MYH15: variants seen among roughly 807,000 people sequenced by gnomAD.
MYH15 encodes myosin heavy chain 15, also known as myosin-15.
Under a neutral mutation model 240.5 loss-of-function variants are expected in MYH15, and 227 were observed. The ratio of observed to expected loss-of-function variants is 0.94; its 90% CI spans 0.85 to 1.05. The LOEUF (loss-of-function observed/expected upper bound fraction) is 1.05. MYH15 is among the 50% of genes least tolerant of loss of function. The pLI, the probability that MYH15 is intolerant of heterozygous loss-of-function variation, is 0.00. For missense variants in MYH15, 2,217 were observed against 2,247.5 expected, an observed-to-expected ratio of 0.99 and a Z score of 0.27; for synonymous variants, 785 against 796.7, an observed-to-expected ratio of 0.99 and a Z score of 0.25.
chr3:108,407,690 A>T (rs1250701288), intron 32 of MYH15, among the ~76,000 whole-genome samples: 1 of 152,204 alleles, frequency 6.6e-6, no homozygotes, highest in Non-Finnish European at 1.5e-5. Context: ...GAAACTACCG[A>T]AAGTTTTTGG....
At chr3:108,540,010 G>A in the MYH15 span, among the ~76,000 whole-genome samples, 5 of 152,186 alleles carry the variant, frequency 3.3e-5, no homozygotes, top group East Asian at 7.7e-4. Flanking sequence ...AAAATAAAAT[G>A]TATCTCACTT....
chr3:108,508,770 T>C (rs2083499029), intron 1 of MYH15, among the ~76,000 whole-genome samples: 1 of 152,208 alleles, frequency 6.6e-6, no homozygotes, highest in Admixed American at 6.5e-5. Context: ...ATCGCTTACA[T>C]GTTCTAATAT....
intron 21 of MYH15, among the ~76,000 whole-genome samples, chr3:108,448,004 T>C (rs144614942): frequency 1.8e-4 from 27 of 152,254 alleles, no homozygotes; most frequent in African/African-American, 5.3e-4. Context: ...AGTTTTTATA[T>C]GTAGTTGAAG....
At chr3:108,447,345 A>G (rs970132041) in intron 21 of MYH15, among the ~76,000 whole-genome samples, 20 of 152,228 alleles carry the variant, frequency 1.3e-4, no homozygotes, top group Middle Eastern at 3.4e-3. Context: ...TGGAGAGGAA[A>G]ACGAACAACT....
At chr3:108,382,772 A>AT (rs1560299662) in intron 40 of MYH15, among the ~76,000 whole-genome samples, 14 of 151,976 alleles carry the variant, frequency 9.2e-5, no homozygotes, top group South Asian at 2.1e-4. Context: ...TTTAAAAAAA[A>AT]AATAATAATA....
At chr3:108,395,571 T>C (rs1203844905) in intron 35 of MYH15, among the ~76,000 whole-genome samples, 1 of 152,058 alleles carries the variant, frequency 6.6e-6, no homozygotes, top group East Asian at 1.9e-4. Flanking sequence ...TAAAATTTGC[T>C]AGGGAGACAA....
chr3:108,540,920 A>C, the MYH15 span, among the ~76,000 whole-genome samples: 2 of 152,230 alleles, frequency 1.3e-5, no homozygotes, highest in East Asian at 3.9e-4. Context: ...TTGGGTACAA[A>C]ATATGTATAT....
At chr3:108,386,316 T>C (rs558057497) in intron 38 of MYH15, among the ~76,000 whole-genome samples, 7 of 152,160 alleles carry the variant, frequency 4.6e-5, no homozygotes, top group Non-Finnish European at 1.5e-5. Context: ...CCATCTCAGC[T>C]CTAGGGCATT....
intron 35 of MYH15, among the ~76,000 whole-genome samples, chr3:108,398,021 C>A (rs2082474996): frequency 6.6e-6 from 1 of 152,142 alleles, no homozygotes; most frequent in African/African-American, 2.4e-5. Flanking sequence ...AAGTCCTAAC[C>A]CCTTATTTAT....
At chr3:108,427,087 T>C (rs2082730076) in intron 27 of MYH15, among the ~76,000 whole-genome samples, 2 of 152,230 alleles carry the variant, frequency 1.3e-5, no homozygotes, top group South Asian at 4.1e-4. Flanking sequence ...GGAGGAGGAA[T>C]TTGCCTCAAG....
At chr3:108,418,756 C>CAT (rs1223859443) in intron 28 of MYH15, among the ~76,000 whole-genome samples, 14 of 3,434 alleles carry the variant, frequency 4.1e-3, no homozygotes, top group African/African-American at 0.013. Flanking sequence ...CTCAGCCTCC[C>CAT]GTGTTGTTGT....
chr3:108,381,527 C>T lies in MYH15; in HGVS notation c.*18G>A. 1 of 1,613,486 alleles carries T rather than the reference C, an allele frequency of 6.2e-7. No individual in the cohort carries two copies. The highest frequency in any genetic ancestry group is 8.5e-7 in the Non-Finnish European group (1 of 1,179,456). On this transcript the variant is annotated 3_prime_UTR_variant, in exon 41 of 41. Coordinates refer to ENST00000693548, the MANE Select transcript of MYH15 (RefSeq NM_014981.3). ...TCCTTGTACTTCTCCAGCTGTTGTC[C>T]TTTCAAAGCAGGGGATGCTATTCTT...
In MYH15 at chr3:108,476,388, T is replaced by C. The variant is rs2083220605; in HGVS notation, c.1233+9A>G. 2.7e-6 allele frequency: 4 copies of C among 1,456,176 alleles called. No homozygotes were observed. In the East Asian group the frequency reaches 6.8e-5, roughly 25 times the overall value. 90.2% of individuals were successfully genotyped at this position (1,456,176 alleles called of 1,614,324 possible). A position where few individuals can be genotyped will look rare whatever the true frequency, so the allele number is the denominator to read the frequency against. ...ATAGAATAATAATGCTCTTGAAATA[T>C]CACCTTACCTGTTCTATAGTTTGAC... On this transcript the variant is annotated intron_variant, in intron 12 of 40. Transcript: ENST00000693548.
chr3:108,491,229 A>T (rs1246541457), intron 9 of MYH15, among the ~76,000 whole-genome samples: 1 of 152,072 alleles, frequency 6.6e-6, no homozygotes, highest in Non-Finnish European at 1.5e-5. Context: ...TGTCTTCCAT[A>T]CTAGACTATA....
intron 11 of MYH15, among the ~76,000 whole-genome samples, chr3:108,477,426 T>C (rs1464846774): frequency 6.6e-6 from 1 of 152,194 alleles, no homozygotes; most frequent in Non-Finnish European, 1.5e-5. Flanking sequence ...GAGAATATAC[T>C]AATACCCAAT....
intron 27 of MYH15, among the ~76,000 whole-genome samples, chr3:108,425,011 G>A (rs2082715089): frequency 6.6e-6 from 1 of 152,184 alleles, no homozygotes; most frequent in Non-Finnish European, 1.5e-5. Context: ...CATGAAAAAT[G>A]AGACCTAGTT....
At chr3:108,459,309 G>T in intron 18 of MYH15, 53 bp downstream of exon 18, 1 of 1,114,300 alleles carries the variant, frequency 9.0e-7, no homozygotes, top group Non-Finnish European at 1.3e-6. Flanking sequence ...ATTCAATATA[G>T]CTAATATCAA....
intron 27 of MYH15, among the ~76,000 whole-genome samples, chr3:108,422,174 C>G (rs1037908184): frequency 1.3e-5 from 2 of 151,850 alleles, no homozygotes; most frequent in Non-Finnish European, 2.9e-5. Context: ...ACAGATTTTA[C>G]ATAGCTGTTT....
chr3:108,498,610 T>C (rs1031535064), intron 5 of MYH15, among the ~76,000 whole-genome samples: 2 of 152,196 alleles, frequency 1.3e-5, no homozygotes, highest in Non-Finnish European at 2.9e-5. Flanking sequence ...AACTTTGCAA[T>C]GTGGGAAGAG....
Sources: gnomAD v4.1 joint callset for allele counts (sites outside exome capture counted in the v4.1 genomes callset) on GRCh38, gnomAD v4.1.1 for gene constraint, MANE v1.5 for transcripts, NCBI Gene and HGNC (gene_info 2026-07-23, HGNC 2026-07-21) for gene names.